Variants in FOXJ3 observed in about 807,000 individuals in gnomAD.
FOXJ3 encodes the protein forkhead box J3.
FOXJ3 carries 22 observed loss-of-function variants against 76.1 expected under a neutral mutation model. The observed-to-expected ratio is 0.29, with a 90% CI of 0.21 to 0.41. FOXJ3 has a LOEUF of 0.41. Ranked by LOEUF, FOXJ3 falls within the 10% of genes least tolerant of loss-of-function variation. The probability of loss-of-function intolerance (pLI) is 1.00; values close to 1 mark genes in which losing one functional copy is unlikely to be tolerated. For synonymous variants in FOXJ3, 269 were observed against 261.2 expected (o/e 1.03, Z -0.29); for missense variants, 613 against 762.1 (o/e 0.80, Z 2.30).
chr1:42,322,910 C>T (rs1655514724), intron 1 of FOXJ3, among the ~76,000 whole-genome samples: 1 of 152,110 alleles, frequency 6.6e-6, no homozygotes, highest in Non-Finnish European at 1.5e-5. Flanking sequence ...TAGTTCACAA[C>T]TGGAGTATTG....
At chr1:42,208,485 A>T (rs1011065195) in intron 5 of FOXJ3, among the ~76,000 whole-genome samples, 2 of 152,246 alleles carry the variant, frequency 1.3e-5, no homozygotes, top group African/African-American at 4.8e-5. Context: ...GACAAAATTC[A>T]ATATCCTTTC....
At chr1:42,247,923 A>T (rs1649677880) in intron 4 of FOXJ3, among the ~76,000 whole-genome samples, 1 of 152,234 alleles carries the variant, frequency 6.6e-6, no homozygotes. Context: ...ATTCTGGCAT[A>T]AAAAGGAATG....
At chr1:42,188,683 A>C in intron 11 of FOXJ3, 54 bp downstream of exon 11, 1 of 1,258,870 alleles carries the variant, frequency 7.9e-7, no homozygotes. Context: ...ACAGTTACTA[A>C]ATTTCGTACG....
intron 1 of FOXJ3, 104 bp from the exon 2 acceptor site, chr1:42,311,214 G>A: frequency 4.2e-6 from 3 of 709,762 alleles, no homozygotes; most frequent in Non-Finnish European, 6.9e-6. Context: ...GAAGTAGAAT[G>A]TTCTACTAAA....
intron 2 of FOXJ3, among the ~76,000 whole-genome samples, chr1:42,308,773 C>G (rs923383015): frequency 6.6e-6 from 1 of 152,034 alleles, no homozygotes; most frequent in Non-Finnish European, 1.5e-5. Context: ...ACATAACTTA[C>G]GTTACCTCTT....
At chr1:42,244,451 T>C (rs1649381528) in intron 4 of FOXJ3, among the ~76,000 whole-genome samples, 2 of 152,164 alleles carry the variant, frequency 1.3e-5, no homozygotes, top group South Asian at 4.1e-4. Context: ...CTGGAGTTCA[T>C]GGCTGCAATG....
At chr1:42,275,985 A>G (rs1160366831) in intron 3 of FOXJ3, among the ~76,000 whole-genome samples, 1 of 152,248 alleles carries the variant, frequency 6.6e-6, no homozygotes, top group African/African-American at 2.4e-5. Context: ...GACTAAAGGA[A>G]CAACTCATCT....
chr1:42,287,755 G>GTTCAAGATCAGCA (rs1653152250), intron 2 of FOXJ3, among the ~76,000 whole-genome samples: 1 of 152,112 alleles, frequency 6.6e-6, no homozygotes, highest in South Asian at 2.1e-4. Context: ...GAGCCCAGGA[G>GTTCAAGATCAGCA]TTCAAGATCA....
At chr1:42,292,672 C>T (rs1653517598) in intron 2 of FOXJ3, among the ~76,000 whole-genome samples, 1 of 152,192 alleles carries the variant, frequency 6.6e-6, no homozygotes, top group African/African-American at 2.4e-5. Context: ...TTCACAGAAG[C>T]ACTTCTGGCA....
intron 8 of FOXJ3, among the ~76,000 whole-genome samples, chr1:42,193,664 G>C (rs984997343): frequency 2.6e-5 from 4 of 152,208 alleles, no homozygotes; most frequent in Middle Eastern, 6.8e-3. Flanking sequence ...ATAAATAACA[G>C]TATATAACAT....
chr1:42,241,984 G>A (rs1379512820), intron 4 of FOXJ3, among the ~76,000 whole-genome samples: 1 of 152,116 alleles, frequency 6.6e-6, no homozygotes, highest in Middle Eastern at 3.2e-3. Context: ...CCAAGTCACT[G>A]AGAAAAACAC....
chr1:42,317,513 A>AT (rs1655185207), intron 1 of FOXJ3, among the ~76,000 whole-genome samples: 2 of 57,858 alleles, frequency 3.5e-5, no homozygotes, highest in African/African-American at 6.4e-5. Flanking sequence ...AAGAGAAACC[A>AT]TAAAAAAAAA....
intron 1 of FOXJ3, among the ~76,000 whole-genome samples, chr1:42,315,932 G>T (rs1655079879): frequency 1.3e-5 from 2 of 152,178 alleles, no homozygotes; most frequent in Admixed American, 6.6e-5. Flanking sequence ...CTAAAAGCCA[G>T]GCATTAGCTA....
chr1:42,220,302 G>GAAC (rs1326636469), intron 5 of FOXJ3, among the ~76,000 whole-genome samples: 33 of 152,114 alleles, frequency 2.2e-4, no homozygotes, highest in African/African-American at 7.2e-4. Flanking sequence ...AATTTAAGAG[G>GAAC]AACAGTTGTG....
At chr1:42,216,060 C>T (rs1368470559) in intron 5 of FOXJ3, among the ~76,000 whole-genome samples, 2 of 151,922 alleles carry the variant, frequency 1.3e-5, no homozygotes, top group African/African-American at 4.8e-5. Flanking sequence ...AAAATGAAGG[C>T]AAAATAAATA....
chr1:42,200,805 G>A (rs902627138), intron 6 of FOXJ3, among the ~76,000 whole-genome samples: 1 of 151,948 alleles, frequency 6.6e-6, no homozygotes, highest in Non-Finnish European at 1.5e-5. Flanking sequence ...TTTAGCTACC[G>A]TTGGTCATTT....
At chr1:42,231,010 A>G (rs163850) in intron 4 of FOXJ3, among the ~76,000 whole-genome samples, 111,454 of 152,116 alleles carry the variant, frequency 0.73, 41,032 homozygotes, top group Admixed American at 0.81. Flanking sequence ...GTATTACTCA[A>G]CCTTAAAAAG....
chr1:42,276,153 C>T (rs1188822692), intron 3 of FOXJ3, among the ~76,000 whole-genome samples: 2 of 151,786 alleles, frequency 1.3e-5, no homozygotes, highest in African/African-American at 4.8e-5. Context: ...GTCAGGAGTT[C>T]GAGATCAGCC....
intron 1 of FOXJ3, among the ~76,000 whole-genome samples, chr1:42,314,319 C>T (rs1200602750): frequency 1.3e-5 from 2 of 152,140 alleles, no homozygotes; most frequent in African/African-American, 4.8e-5. Flanking sequence ...GGCGCCAACT[C>T]GGCTCACTGC....
Sources: gnomAD v4.1 joint callset for allele counts (sites outside exome capture counted in the v4.1 genomes callset) on GRCh38, gnomAD v4.1.1 for gene constraint, MANE v1.5 for transcripts, NCBI Gene and HGNC (gene_info 2026-07-23, HGNC 2026-07-21) for gene names.